Variants in TXNDC11 observed in about 807,000 individuals in gnomAD.
TXNDC11 encodes the protein thioredoxin domain containing 11, also known as thioredoxin domain-containing protein 11.
TXNDC11 carries 68 observed loss-of-function variants against 78.0 expected under a neutral mutation model. The ratio of observed to expected loss-of-function variants is 0.87; its 90% CI spans 0.72 to 1.07. The LOEUF (loss-of-function observed/expected upper bound fraction) is 1.07. TXNDC11 is among the 50% of genes least tolerant of loss of function. The pLI, the probability that TXNDC11 is intolerant of heterozygous loss-of-function variation, is 0.00. For missense variants in TXNDC11, 1,389 were observed against 1,221.8 expected, an observed-to-expected ratio of 1.14 and a Z score of -2.04; for synonymous variants, 571 against 495.2, an observed-to-expected ratio of 1.15 and a Z score of -2.03.
At chr16:11,709,521 G>A (rs912849167) in intron 5 of TXNDC11, among the ~76,000 whole-genome samples, 3 of 127,812 alleles carry the variant, frequency 2.3e-5, no homozygotes, top group East Asian at 5.2e-4. Flanking sequence ...TGCAAGCTCC[G>A]CCTCCCGGGT....
intron 6 of TXNDC11, 149 bp downstream of exon 6, chr16:11,700,303 G>A (rs1330929037): frequency 6.9e-6 from 3 of 432,016 alleles, no homozygotes; most frequent in Admixed American, 4.3e-5. Context: ...CTCTAGGGTG[G>A]GGCTGTAAGA....
chr16:11,720,369 G>C (rs1273174973), intron 5 of TXNDC11, among the ~76,000 whole-genome samples: 2 of 150,754 alleles, frequency 1.3e-5, no homozygotes, highest in Non-Finnish European at 2.9e-5. Context: ...TAAAAATGCT[G>C]ACCAAAACTT....
At chr16:11,741,376 A>G (rs1453630053) in intron 1 of TXNDC11, among the ~76,000 whole-genome samples, 1 of 152,194 alleles carries the variant, frequency 6.6e-6, no homozygotes, top group Non-Finnish European at 1.5e-5. Context: ...ATGTGTGTAC[A>G]TTCCTGAAAA....
chr16:11,700,605 G>A (rs2141031804), intron 5 of TXNDC11, 41 bp from the exon 6 acceptor site: 1 of 999,002 alleles, frequency 1.0e-6, no homozygotes, highest in Non-Finnish European at 1.6e-6. Flanking sequence ...AAAGGCCTGT[G>A]CCTTAAAACA....
chr16:11,705,204 T>C (rs1423651002), intron 5 of TXNDC11, among the ~76,000 whole-genome samples: 11 of 152,302 alleles, frequency 7.2e-5, no homozygotes, highest in South Asian at 4.1e-4. Context: ...AACTCTAACA[T>C]TGACTTCTTA....
intron 4 of TXNDC11, among the ~76,000 whole-genome samples, chr16:11,724,895 G>A (rs1218103196): frequency 6.6e-6 from 1 of 152,046 alleles, no homozygotes; most frequent in African/African-American, 2.4e-5. Context: ...ACAGGCGCCC[G>A]CCACCACATC....
In TXNDC11 at chr16:11,742,649, CG is replaced by C; in HGVS notation, c.81del (p.Ala28ArgfsTer63). ...CTCGAGCTGAGGCAGTCTGAGCCCGCGGGGCCGCCGCCGCCCCCTCCCTCGT... is the reference window on the plus strand; with the variant it reads ...CTCGAGCTGAGGCAGTCTGAGCCCGCGGGCCGCCGCCGCCCCCTCCCTCGT... Reference protein sequence around the residue: ...AEDEGGGGGGPAGSDCLSSSP... With the variant: ...AEDEGGGGGGXAGSDCLSSSP... On this transcript the variant is annotated frameshift_variant, in exon 1 of 12. Coordinates refer to ENST00000283033, the MANE Select transcript of TXNDC11 (RefSeq NM_015914.7). LOFTEE classifies it high-confidence loss of function. 6.8e-7 allele frequency: 1 copy of C among 1,460,470 alleles called. No individual in the cohort carries two copies. The allele number at this position is 1,460,470 out of a possible 1,614,324, so 90.5% of individuals were successfully genotyped here.
chr16:11,727,031 A>G (rs971813115), intron 4 of TXNDC11, among the ~76,000 whole-genome samples: 3 of 152,034 alleles, frequency 2.0e-5, no homozygotes, highest in Non-Finnish European at 4.4e-5. Flanking sequence ...CCAGCCTGGG[A>G]GACAGAGCGA....
At chr16:11,685,341 A>G (rs2050536960) in intron 10 of TXNDC11, among the ~76,000 whole-genome samples, 1 of 151,380 alleles carries the variant, frequency 6.6e-6, no homozygotes, top group Admixed American at 6.6e-5. Flanking sequence ...ACAGAGTGAG[A>G]CCCTGTCTCA....
At chr16:11,700,425 A>G (rs537749221) in intron 6 of TXNDC11, 27 bp downstream of exon 6, 1 of 1,159,848 alleles carries the variant, frequency 8.6e-7, no homozygotes, top group South Asian at 1.3e-5. Flanking sequence ...CACTGCGCTA[A>G]CATAAACGTG....
At chr16:11,726,879 C>T (rs184065816) in intron 4 of TXNDC11, among the ~76,000 whole-genome samples, 5 of 152,126 alleles carry the variant, frequency 3.3e-5, no homozygotes, top group Admixed American at 3.3e-4. Context: ...AATGGTGAAA[C>T]CCCATCTCTA....
chr16:11,741,418 TACAC>T (rs1285823425), intron 1 of TXNDC11, among the ~76,000 whole-genome samples: 2 of 152,140 alleles, frequency 1.3e-5, no homozygotes, highest in African/African-American at 4.8e-5. Flanking sequence ...TCCTACCCCC[TACAC>T]CCCAGCCTAC....
At position 11,735,384 on chromosome 16, in the gene TXNDC11, T is replaced by C. The variant is rs913948590; in HGVS notation, c.471+633A>G. On this transcript the variant is annotated intron_variant, in intron 2 of 11. Transcript: ENST00000283033. ...TTACTTTCTTCCCCCCTCACCTCTA[T>C]GTTACAATCCGTGCATTAGATTATT... Among the ~76,000 whole-genome samples, 4 of 152,322 alleles carry C rather than the reference T, an allele frequency of 2.6e-5. No individual in the cohort carries two copies. The East Asian group carries it at 5.8e-4, about 22-fold the overall frequency.
intron 8 of TXNDC11, among the ~76,000 whole-genome samples, chr16:11,689,104 A>T (rs1388837513): frequency 1.1e-3 from 86 of 79,194 alleles, no homozygotes; most frequent in Admixed American, 2.2e-3. Flanking sequence ...TTTTTTTTTT[A>T]AAGAGACAGG....
At chr16:11,732,584 G>A (rs2052088301) in intron 3 of TXNDC11, among the ~76,000 whole-genome samples, 1 of 152,190 alleles carries the variant, frequency 6.6e-6, no homozygotes, top group African/African-American at 2.4e-5. Context: ...GAAGAAATCT[G>A]AAAATGGTCT....
intron 5 of TXNDC11, among the ~76,000 whole-genome samples, chr16:11,708,601 A>G (rs1224538017): frequency 1.3e-5 from 2 of 152,250 alleles, no homozygotes; most frequent in African/African-American, 2.4e-5. Flanking sequence ...ACAAAATGGA[A>G]TATCGGGTCA....
In TXNDC11 at chr16:11,679,773, T is replaced by A. The variant is rs781531439; in HGVS notation, c.2299A>T (p.Ile767Phe). The part of the protein sequence containing the change: ...PITLPNLLRF[I>F]LHHSDPASSP... ...GAAGCAGGGTCTGAGTGATGCAAAATGAACCTCAACAGGTTTGGAAGGGTG... is the reference window on the plus strand; with the variant it reads ...GAAGCAGGGTCTGAGTGATGCAAAAAGAACCTCAACAGGTTTGGAAGGGTG... Residue 767 changes from isoleucine to phenylalanine, a missense_variant, in exon 12 of 12, where the codon ATT (isoleucine) becomes TTT (phenylalanine). Coordinates refer to ENST00000283033, the MANE Select transcript of TXNDC11 (RefSeq NM_015914.7). This position sits in a 1 kb window ranked among gnomAD's most constrained non-coding sequence, Gnocchi z 4.6. 142 of 1,613,996 alleles carry A rather than the reference T, an allele frequency of 8.8e-5. 1 individual carries two copies. In the Admixed American group the frequency reaches 2.2e-3, roughly 25 times the overall value.
chr16:11,692,781 C>T (rs1043487513), intron 7 of TXNDC11, among the ~76,000 whole-genome samples: 3 of 152,212 alleles, frequency 2.0e-5, no homozygotes, highest in East Asian at 1.9e-4. Context: ...CCAAATGGTA[C>T]GCTGCCCATG....
chr16:11,700,656 T>C (rs577046491), intron 5 of TXNDC11, 92 bp from the exon 6 acceptor site: 5 of 626,268 alleles, frequency 8.0e-6, no homozygotes, highest in African/African-American at 7.5e-5. Context: ...CACAAACCCC[T>C]GCAGCTAAGC....
Sources: gnomAD v4.1 joint callset for allele counts (sites outside exome capture counted in the v4.1 genomes callset) on GRCh38, gnomAD v4.1.1 for gene constraint, Gnocchi (gnomAD v3.1) non-coding constraint, MANE v1.5 for transcripts, NCBI Gene and HGNC (gene_info 2026-07-23, HGNC 2026-07-21) for gene names.